Variants in GRM5 observed in about 807,000 individuals in gnomAD.
The protein encoded by GRM5 is glutamate metabotropic receptor 5, also known as metabotropic glutamate receptor 5.
GRM5 carries 19 observed loss-of-function variants against 83.1 expected under a neutral mutation model. That is an observed-to-expected ratio of 0.23 (90% CI 0.16 to 0.34). The LOEUF (loss-of-function observed/expected upper bound fraction) is 0.34. Among genes scored for constraint, GRM5 ranks in the 10% least tolerant of loss-of-function variants. The probability of loss-of-function intolerance (pLI) is 1.00; values close to 1 mark genes in which losing one functional copy is unlikely to be tolerated. For missense variants in GRM5, 1,160 were observed against 1,588.3 expected (o/e 0.73, Z 4.58); for synonymous variants, 675 against 633.6 (o/e 1.07, Z -0.98).
intron 3 of GRM5, among the ~76,000 whole-genome samples, chr11:88,680,573 G>C (rs770607280): frequency 2.8e-4 from 42 of 152,120 alleles, no homozygotes; most frequent in Non-Finnish European, 2.2e-4. Flanking sequence ...ACAGTGTGGC[G>C]ATCCCTCAGG....
At chr11:88,932,913 A>T (rs1937761700) in intron 2 of GRM5, among the ~76,000 whole-genome samples, 1 of 151,910 alleles carries the variant, frequency 6.6e-6, no homozygotes, top group South Asian at 2.1e-4. Flanking sequence ...AACTGTAAAC[A>T]TTTTATTTGA....
intron 3 of GRM5, among the ~76,000 whole-genome samples, chr11:88,806,061 T>C (rs1590871742): frequency 6.6e-6 from 1 of 152,208 alleles, no homozygotes; most frequent in Non-Finnish European, 1.5e-5. Context: ...ACTAGTGGCA[T>C]GGCATTGAAC....
At position 88,650,103 on chromosome 11, in the gene GRM5, A is replaced by G. The variant is rs545859890; in HGVS notation, c.1147+3065T>C. 2.0e-3 allele frequency among the ~76,000 whole-genome samples: 299 copies of G among 152,052 alleles called. 1 individual carries two copies. The highest frequency in any genetic ancestry group is 6.9e-3 in the African/African-American group (287 of 41,554). ...TTGGTAATTTCTGTTGAAAACTCCA[A>G]ATAAATTATACAAAGAGATGAAACA... On this transcript the variant is annotated intron_variant, in intron 4 of 9. Transcript: ENST00000305447.
At chr11:88,541,619 G>A (rs190137451) in intron 8 of GRM5, among the ~76,000 whole-genome samples, 3 of 152,270 alleles carry the variant, frequency 2.0e-5, no homozygotes, top group African/African-American at 7.2e-5. Context: ...AATTAACATG[G>A]ATTTTATTCT....
At chr11:88,668,406 A>C (rs913763261) in intron 3 of GRM5, among the ~76,000 whole-genome samples, 12 of 146,658 alleles carry the variant, frequency 8.2e-5, no homozygotes, top group African/African-American at 3.0e-4. Flanking sequence ...TAACACCAAT[A>C]CTCAACAATT....
chr11:89,015,665 A>G (rs2135098905), intron 2 of GRM5, among the ~76,000 whole-genome samples: 1 of 152,324 alleles, frequency 6.6e-6, no homozygotes, highest in Non-Finnish European at 1.5e-5. Flanking sequence ...GTAGCACTAA[A>G]TACCATTTTC....
intron 1 of GRM5, among the ~76,000 whole-genome samples, chr11:89,050,172 GC>G (rs1416367633): frequency 1.3e-5 from 2 of 152,084 alleles, no homozygotes; most frequent in African/African-American, 4.8e-5. Flanking sequence ...CTAAGATATT[GC>G]CTTTTGAAGG....
intron 3 of GRM5, among the ~76,000 whole-genome samples, chr11:88,658,196 T>A (rs1346937173): frequency 1.3e-5 from 2 of 152,090 alleles, no homozygotes; most frequent in Non-Finnish European, 2.9e-5. Context: ...GTGCGCTTCT[T>A]ATGAGATGGA....
chr11:88,766,413 A>G (rs896325392), intron 3 of GRM5, among the ~76,000 whole-genome samples: 1 of 151,966 alleles, frequency 6.6e-6, no homozygotes, highest in Non-Finnish European at 1.5e-5. Flanking sequence ...CACACCTACA[A>G]CTATCAGATC....
intron 3 of GRM5, among the ~76,000 whole-genome samples, chr11:88,809,581 G>C (rs936224163): frequency 2.6e-5 from 4 of 151,998 alleles, no homozygotes; most frequent in African/African-American, 9.7e-5. Context: ...TGGAAACCCA[G>C]TGATATTAAA....
At chr11:88,663,412 C>T (rs766091553) in intron 3 of GRM5, among the ~76,000 whole-genome samples, 1 of 152,066 alleles carries the variant, frequency 6.6e-6, no homozygotes, top group Non-Finnish European at 1.5e-5. Flanking sequence ...TTGTGTGTTA[C>T]CCAATCTTTT....
chr11:88,987,068 G>C (rs539847330), intron 2 of GRM5, among the ~76,000 whole-genome samples: 1 of 151,974 alleles, frequency 6.6e-6, no homozygotes, highest in Non-Finnish European at 1.5e-5. Context: ...GGCAGAAGAC[G>C]GGTGATTTCT....
At chr11:88,670,578 T>A (rs1185657089) in intron 3 of GRM5, among the ~76,000 whole-genome samples, 2 of 151,692 alleles carry the variant, frequency 1.3e-5, no homozygotes, top group African/African-American at 4.8e-5. Context: ...ATATTTAAAG[T>A]ATATGAATAA....
intron 3 of GRM5, among the ~76,000 whole-genome samples, chr11:88,814,552 C>T (rs1419607823): frequency 6.6e-6 from 1 of 152,150 alleles, no homozygotes; most frequent in Admixed American, 6.5e-5. Context: ...ACTATTGCCT[C>T]TGCAGTGGAG....
intron 3 of GRM5, among the ~76,000 whole-genome samples, chr11:88,679,714 G>A (rs143229363): frequency 1.1e-3 from 163 of 152,184 alleles, no homozygotes; most frequent in African/African-American, 3.8e-3. Context: ...ATTCTGGAAG[G>A]TGAATAGTTG....
intron 4 of GRM5, among the ~76,000 whole-genome samples, chr11:88,636,673 AAAC>A (rs1939131853): frequency 6.6e-6 from 1 of 152,350 alleles, no homozygotes; most frequent in Non-Finnish European, 1.5e-5. Context: ...ATTTCAAGAT[AAAC>A]ACCACTTGGT....
chr11:89,019,604 T>C (rs1249654767), intron 2 of GRM5, among the ~76,000 whole-genome samples: 16 of 150,836 alleles, frequency 1.1e-4, no homozygotes, highest in Non-Finnish European at 2.2e-4. Flanking sequence ...ACCCAGGAGG[T>C]TGAGGCACGA....
intron 3 of GRM5, among the ~76,000 whole-genome samples, chr11:88,753,439 T>G (rs182094582): frequency 1.3e-5 from 2 of 151,930 alleles, no homozygotes; most frequent in Non-Finnish European, 2.9e-5. Context: ...TATTAAAAAG[T>G]CAAAAAATAA....
Position 88,715,746 on chromosome 11 carries a change from G to GGAA in GRM5, c.912-62346_912-62344dup, listed in dbSNP as rs1941386632. 2.0e-5 allele frequency among the ~76,000 whole-genome samples: 3 copies of GGAA among 152,084 alleles called. No individual in the cohort carries two copies. In the South Asian group the frequency reaches 6.2e-4, roughly 32 times the overall value. ...GCTTTGGGTATGCAGTATTAGAAAA[G>GGAA]GAAGATATAGTGGAGAAAAGATACA... On this transcript the variant is annotated intron_variant, in intron 3 of 9. Coordinates refer to ENST00000305447, the MANE Select transcript of GRM5 (RefSeq NM_001143831.3).
Sources: allele counts gnomAD v4.1 joint callset (sites outside exome capture counted in the v4.1 genomes callset), GRCh38; gene constraint gnomAD v4.1.1; transcripts MANE v1.5; gene names NCBI Gene and HGNC (gene_info 2026-07-23, HGNC 2026-07-21).